Variants in CDK12 observed in about 807,000 individuals in gnomAD.
The protein encoded by CDK12 is cyclin-dependent kinase 12.
In CDK12, 17 loss-of-function variants were observed where a neutral mutation model predicts 133.8. That is an observed-to-expected ratio of 0.13 (90% CI 0.09 to 0.19). CDK12 has a LOEUF of 0.19. Ranked by LOEUF, CDK12 falls within the 10% of genes least tolerant of loss-of-function variation. CDK12 has a pLI of 1.00. For synonymous variants in CDK12, 694 were observed against 683.6 expected, an observed-to-expected ratio of 1.02 and a Z score of -0.24; for missense variants, 1,508 against 1,818.7, an observed-to-expected ratio of 0.83 and a Z score of 3.11.
intron 3 of CDK12, among the ~76,000 whole-genome samples, chr17:39,561,397 G>A (rs757835882): frequency 2.6e-5 from 4 of 152,178 alleles, no homozygotes; most frequent in South Asian, 2.1e-4. Context: ...TGTCTAGGAC[G>A]TGGTAGAGAG....
At chr17:39,529,792 G>A (rs1359379070) in intron 13 of CDK12, 5 of 152,118 alleles carry the variant, frequency 3.3e-5, no homozygotes, top group Admixed American at 3.3e-4. Flanking sequence ...TAAATATTTA[G>A]TTCTTGTCAC....
At chr17:39,485,739 C>G (rs1161965732) in intron 2 of CDK12, among the ~76,000 whole-genome samples, 3 of 150,816 alleles carry the variant, frequency 2.0e-5, no homozygotes, top group African/African-American at 7.3e-5. Flanking sequence ...AAAAAAGCAG[C>G]TGTGGTGGTA....
intron 13 of CDK12, among the ~76,000 whole-genome samples, chr17:39,527,778 C>T (rs1414246515): frequency 6.6e-6 from 1 of 152,182 alleles, no homozygotes; most frequent in Admixed American, 6.5e-5. Context: ...AACTCCCAGC[C>T]TCAGGTGATC....
chr17:39,565,732 C>T (rs2056552161), downstream of CDK12, among the ~76,000 whole-genome samples: 1 of 152,234 alleles, frequency 6.6e-6, no homozygotes. Flanking sequence ...CCGTGCCCAG[C>T]TTCCCTCTCA....
downstream of CDK12, among the ~76,000 whole-genome samples, chr17:39,565,941 C>A (rs924003184): frequency 6.6e-6 from 1 of 152,044 alleles, no homozygotes; most frequent in Non-Finnish European, 1.5e-5. Context: ...TGTACAATAA[C>A]CAAAAAATGA....
downstream of CDK12, among the ~76,000 whole-genome samples, chr17:39,566,679 A>T (rs2056587099): frequency 6.6e-6 from 1 of 152,128 alleles, no homozygotes; most frequent in Non-Finnish European, 1.5e-5. Flanking sequence ...TTGGGTGGGC[A>T]GCCCCCCTCC....
upstream of CDK12, chr17:39,544,000 G>T: frequency 4.4e-6 from 1 of 226,152 alleles, no homozygotes; most frequent in Non-Finnish European, 9.4e-6. Flanking sequence ...CCATGTTTTT[G>T]CTTTTATCAG....
chr17:39,533,563 G>A lies in CDK12; in HGVS notation c.*2247G>A. ...ATATTTCATTGTATTTTGGTTATCA[G>A]CAGTCATCAATAATGTTTTTCCCTC... On this transcript the variant is annotated 3_prime_UTR_variant, in exon 14 of 14. Coordinates refer to ENST00000447079, the MANE Select transcript of CDK12 (RefSeq NM_016507.4). 4.3e-6 allele frequency: 1 copy of A among 233,080 alleles called. No individual in the cohort carries two copies. Among genetic ancestry groups the A allele is most frequent in the Non-Finnish European group, 8.5e-6 (1 of 117,914 alleles). 14.4% of individuals were successfully genotyped at this position (233,080 alleles called of 1,614,324 possible). A position where few individuals can be genotyped will look rare whatever the true frequency, so the allele number is the denominator to read the frequency against.
At position 39,524,806 on chromosome 17, in the gene CDK12, T is replaced by C. The variant is rs1341451486; in HGVS notation, c.3228T>C (p.Thr1076=). ...SRKETTSGTS[T]EPVKNSSPAP... The stretch of plus-strand genomic sequence containing the variant: ...AAGAAACTACCTCAGGGACAAGTAC[T>C]GAGCCTGTGAAGAACAGCAGCCCAG... Residue 1076 remains threonine (T), a synonymous_variant, in exon 12 of 14, where the codon ACT becomes ACC. Coordinates refer to ENST00000447079, the MANE Select transcript of CDK12 (RefSeq NM_016507.4). The C allele has an allele frequency of 6.2e-7, 1 of 1,614,246 alleles. No individual in the cohort carries two copies. The highest frequency in any genetic ancestry group is 8.5e-7 in the Non-Finnish European group (1 of 1,180,044).
intron 3 of CDK12, among the ~76,000 whole-genome samples, chr17:39,562,530 A>G (rs55957019): frequency 0.036 from 5,537 of 152,170 alleles, 146 homozygotes; most frequent in Non-Finnish European, 0.058. Context: ...CTCTCCTGGT[A>G]CCACTCCATT....
chr17:39,497,728 T>C (rs1206485438), intron 5 of CDK12, among the ~76,000 whole-genome samples: 2 of 151,956 alleles, frequency 1.3e-5, no homozygotes, highest in Non-Finnish European at 2.9e-5. Context: ...CTCATCCTCC[T>C]GATTAGCTGG....
intron 5 of CDK12, among the ~76,000 whole-genome samples, chr17:39,498,953 T>TTTTGAGACAGAG: frequency 0.1 from 1 of 10 alleles, no homozygotes; most frequent in African/African-American, 0.5. Flanking sequence ...CTTTCTTTCT[T>TTTTGAGACAGAG]TCTTTCTTTC....
chr17:39,563,461 C>A, intron 3 of CDK12, among the ~76,000 whole-genome samples: 1 of 24,264 alleles, frequency 4.1e-5, no homozygotes, highest in Admixed American at 3.6e-4. Context: ...CTCTTGCTTC[C>A]CGCCCCCCCC....
intron 8 of CDK12, among the ~76,000 whole-genome samples, chr17:39,512,386 T>G (rs2053555640): frequency 6.6e-6 from 1 of 152,200 alleles, no homozygotes; most frequent in African/African-American, 2.4e-5. Context: ...AGTTATATAA[T>G]AAGTGGTACA....
At position 39,526,140 on chromosome 17, in the gene CDK12, C is replaced by T. The variant is rs61741615; in HGVS notation, c.3584C>T (p.Thr1195Met). The T allele has an allele frequency of 1.7e-3, 2,743 of 1,614,192 alleles. 41 individuals are homozygous for T. The African/African-American group carries it at 0.032, about 19-fold the overall frequency. The change falls in exon 13 of 14, where the codon ACG becomes ATG. Residue 1195 changes from threonine (T) to methionine (M), a missense_variant. Coordinates refer to ENST00000447079, the MANE Select transcript of CDK12 (RefSeq NM_016507.4). ...APVILPSAEQ[T>M]TLEASSTPAD... ...GTGATCCTGCCTTCAGCAGAACAGA[C>T]GACCCTTGAAGCTTCAAGCACACCA...
At chr17:39,544,321 G>A (rs1567808332), upstream of CDK12, 2 of 489,972 alleles carry the variant, frequency 4.1e-6, no homozygotes, top group Admixed American at 4.6e-5. Context: ...CCAGAGCCTG[G>A]CAAATTCAGT....
chr17:39,557,824 G>A (rs1597719684), intron 3 of CDK12, among the ~76,000 whole-genome samples: 1 of 152,314 alleles, frequency 6.6e-6, no homozygotes, highest in East Asian at 1.9e-4. Context: ...TAGATCACAA[G>A]TTTTGGAGAC....
chr17:39,464,656 C>G (rs1323869920), intron 1 of CDK12, among the ~76,000 whole-genome samples: 1 of 151,972 alleles, frequency 6.6e-6, no homozygotes, highest in African/African-American at 2.4e-5. Context: ...ATGTTTCCTC[C>G]TCCATTTTAT....
intron 13 of CDK12, among the ~76,000 whole-genome samples, chr17:39,529,036 A>G (rs1204976757): frequency 6.6e-6 from 1 of 152,070 alleles, no homozygotes; most frequent in Non-Finnish European, 1.5e-5. Context: ...CCTTAAATTC[A>G]TTTTCCCCTG....
Sources: gnomAD v4.1 joint callset for allele counts (sites outside exome capture counted in the v4.1 genomes callset) on GRCh38, gnomAD v4.1.1 for gene constraint, MANE v1.5 for transcripts, NCBI Gene and HGNC (gene_info 2026-07-23, HGNC 2026-07-21) for gene names.